The following KMT2C variants were observed in gnomAD, a reference collection of about 807,000 sequenced individuals.
KMT2C encodes histone-lysine N-methyltransferase 2C.
A neutral mutation model predicts 507.9 loss-of-function variants in KMT2C; 88 were observed. The ratio of observed to expected loss-of-function variants is 0.17; its 90% CI spans 0.15 to 0.21. KMT2C has a LOEUF of 0.21. Among genes scored for constraint, KMT2C ranks in the 10% least tolerant of loss-of-function variants. The probability of loss-of-function intolerance (pLI) is 1.00; values close to 1 mark genes in which losing one functional copy is unlikely to be tolerated. For synonymous variants in KMT2C, 2,049 were observed against 2,080.8 expected (o/e 0.98, Z 0.42); for missense variants, 4,954 against 5,957.8 (o/e 0.83, Z 5.55).
At chr7:152,207,155 T>C in intron 24 of KMT2C, 145 bp downstream of exon 24, 1 of 751,812 alleles carries the variant, frequency 1.3e-6, no homozygotes, top group Non-Finnish European at 2.0e-6. Flanking sequence ...TCAAATAGTT[T>C]AGTTCTTTAA....
chr7:152,393,846 G>A (rs557545333), intron 1 of KMT2C, among the ~76,000 whole-genome samples: 375 of 141,976 alleles, frequency 2.6e-3, no homozygotes, highest in Non-Finnish European at 3.9e-3. Context: ...GCAGTGAGCC[G>A]AGATCGTGCC....
rs1299042781 is a variant in KMT2C at position 152,177,132 on chromosome 7, T to C, written c.8321A>G (p.Asn2774Ser). The C allele has an allele frequency of 6.8e-6, 11 of 1,613,608 alleles. No homozygotes were observed. The South Asian group carries it at 1.2e-4, about 18-fold the overall frequency. The stretch of plus-strand genomic sequence containing the variant: ...ATCAATTGGAAGGTCTAGTTCCTCA[T>C]TAAACATGCTTTTCTTATCTCCCAT... ...LDMGDKKSMF[N>S]EELDLPIDDK... Residue 2774 changes from asparagine to serine, a missense_variant, in exon 38 of 59, where the codon AAT (asparagine) becomes AGT (serine). Asn to Ser is a conservative substitution (Grantham distance 46). Coordinates refer to ENST00000262189, the MANE Select transcript of KMT2C (RefSeq NM_170606.3).
In KMT2C at chr7:152,339,738, C is replaced by G. The variant is rs781603090; in HGVS notation, c.251-8999G>C. Among the ~76,000 whole-genome samples the G allele has an allele frequency of 2.8e-4, 43 of 152,078 alleles. 1 individual carries two copies. Among genetic ancestry groups the G allele is most frequent in the Non-Finnish European group, 7.3e-5 (5 of 68,028 alleles). On this transcript the variant is annotated intron_variant, in intron 2 of 58. Coordinates refer to ENST00000262189, the MANE Select transcript of KMT2C (RefSeq NM_170606.3). The stretch of plus-strand genomic sequence containing the variant: ...TGACTATATGCTCTATGAAAACAGG[C>G]ACTGTATCTGTTTTTATAAACCAGA...
chr7:152,396,690 G>A (rs2097540082), intron 1 of KMT2C, among the ~76,000 whole-genome samples: 1 of 152,128 alleles, frequency 6.6e-6, no homozygotes, highest in African/African-American at 2.4e-5. Context: ...AATGCTATTA[G>A]AACTCCCACT....
At position 152,198,543 on chromosome 7, in the gene KMT2C, T is replaced by C. The variant is rs535401489; in HGVS notation, c.4273+736A>G. ...CATAGGGGAGAAGTGGGAGAAACAC[T>C]GATCAAGACACTTACCTACCCAATG... On this transcript the variant is annotated intron_variant, in intron 27 of 58. Transcript: ENST00000262189. Among the ~76,000 whole-genome samples the C allele has an allele frequency of 9.2e-5, 14 of 152,294 alleles. No individual in the cohort carries two copies. The South Asian group carries it at 2.5e-3, about 27-fold the overall frequency.
In KMT2C at chr7:152,313,536, T is replaced by C. The variant is rs188693447; in HGVS notation, c.591-1590A>G. Among the ~76,000 whole-genome samples the C allele has an allele frequency of 1.2e-4, 19 of 152,234 alleles. No homozygotes were observed. In the East Asian group the frequency reaches 3.7e-3, roughly 29 times the overall value. ...AAATGCATACCCACAAAATTCTTAG[T>C]TATAAAACAAAAAAAGGAAAAAAAT... On this transcript the variant is annotated intron_variant, in intron 4 of 58. Coordinates refer to ENST00000262189, the MANE Select transcript of KMT2C (RefSeq NM_170606.3).
chr7:152,215,202 T>C (rs1356719797), intron 23 of KMT2C, among the ~76,000 whole-genome samples: 1 of 152,000 alleles, frequency 6.6e-6, no homozygotes, highest in African/African-American at 2.4e-5. Flanking sequence ...GGTGATTCAT[T>C]GTACTATTCA....
intron 1 of KMT2C, among the ~76,000 whole-genome samples, chr7:152,393,116 T>C (rs1288104083): frequency 2.0e-5 from 3 of 152,040 alleles, no homozygotes; most frequent in Admixed American, 1.3e-4. Context: ...GTTTTGTTTT[T>C]TTCCACCACC....
chr7:152,195,007 G>C (rs937319601), intron 28 of KMT2C, among the ~76,000 whole-genome samples: 1 of 152,068 alleles, frequency 6.6e-6, no homozygotes, highest in African/African-American at 2.4e-5. Flanking sequence ...GCCCTAAAAT[G>C]CTCAGTGTTT....
chr7:152,208,989 G>C (rs572343571), intron 23 of KMT2C, among the ~76,000 whole-genome samples: 3 of 151,584 alleles, frequency 2.0e-5, no homozygotes, highest in African/African-American at 7.3e-5. Flanking sequence ...AACATGGTGA[G>C]TCTCTACTAA....
chr7:152,428,946 A>C (rs549078564), intron 1 of KMT2C, among the ~76,000 whole-genome samples: 2 of 152,308 alleles, frequency 1.3e-5, no homozygotes, highest in African/African-American at 4.8e-5. Context: ...CTGGCATTCA[A>C]GAACTATCAC....
intron 55 of KMT2C, among the ~76,000 whole-genome samples, chr7:152,140,587 A>G (rs2090425367): frequency 6.6e-6 from 1 of 152,224 alleles, no homozygotes; most frequent in Non-Finnish European, 1.5e-5. Context: ...CTAGAAGGCA[A>G]CTGAATGCAA....
intron 9 of KMT2C, among the ~76,000 whole-genome samples, chr7:152,255,817 TACTC>T (rs1288896378): frequency 6.6e-6 from 1 of 152,160 alleles, no homozygotes; most frequent in Non-Finnish European, 1.5e-5. Context: ...TGGAAAAAGA[TACTC>T]ACATCATACA....
intron 44 of KMT2C, among the ~76,000 whole-genome samples, chr7:152,157,233 C>A (rs180979214): frequency 1.1e-4 from 16 of 149,804 alleles, no homozygotes; most frequent in African/African-American, 3.4e-4. Context: ...TAGGTTGAGG[C>A]ACTAGAATTG....
At position 152,139,711 on chromosome 7, in the gene KMT2C, T is replaced by G; in HGVS notation, c.14424A>C (p.Glu4808Asp). Residue 4808 changes from glutamate (E) to aspartate (D), a missense_variant, in exon 56 of 59, where the codon GAA becomes GAC. By Grantham distance (45) the Glu-to-Asp change is conservative. This residue lies in a region of KMT2C where 133 missense variants were observed against 258.9 expected (regional missense o/e 0.51). Coordinates refer to ENST00000262189, the MANE Select transcript of KMT2C (RefSeq NM_170606.3). Reference protein sequence around the residue: ...IEYIGTIIRNEVANRKEKLYE... With the variant: ...IEYIGTIIRNDVANRKEKLYE... ...AAAGCTTCTCTTTCCTGTTGGCTACTTCGTTTCGAATGATAGTCCCGATGT... is the reference window on the plus strand; with the variant it reads ...AAAGCTTCTCTTTCCTGTTGGCTACGTCGTTTCGAATGATAGTCCCGATGT... 1 of 1,614,074 alleles carries G rather than the reference T, an allele frequency of 6.2e-7. No individual in the cohort carries two copies. Among genetic ancestry groups the G allele is most frequent in the Non-Finnish European group, 8.5e-7 (1 of 1,179,938 alleles).
At chr7:152,377,954 A>G (rs1400161137) in intron 1 of KMT2C, among the ~76,000 whole-genome samples, 1 of 152,236 alleles carries the variant, frequency 6.6e-6, no homozygotes, top group Non-Finnish European at 1.5e-5. Context: ...AAGTCATTGC[A>G]GATGTAGTGG....
intron 1 of KMT2C, among the ~76,000 whole-genome samples, chr7:152,388,128 TAAA>T (rs201474078): frequency 2.1e-5 from 2 of 97,172 alleles, no homozygotes; most frequent in East Asian, 3.9e-4. Context: ...AAAAATAAAA[TAAA>T]AAAATTGTAA....
At chr7:152,204,375 G>A (rs1216204306) in intron 25 of KMT2C, among the ~76,000 whole-genome samples, 2 of 152,216 alleles carry the variant, frequency 1.3e-5, no homozygotes, top group Non-Finnish European at 1.5e-5. Context: ...CAGGAGGATC[G>A]CTTGAGCACA....
At chr7:152,412,835 ACTT>A (rs2097697251) in intron 1 of KMT2C, among the ~76,000 whole-genome samples, 1 of 152,372 alleles carries the variant, frequency 6.6e-6, no homozygotes, top group South Asian at 2.1e-4. Flanking sequence ...TCAAGAAATT[ACTT>A]TTTTCAGATC....
Sources: gnomAD v4.1 joint callset for allele counts (sites outside exome capture counted in the v4.1 genomes callset) on GRCh38, gnomAD v4.1.1 for gene constraint, gnomAD v4.1.1 regional missense constraint, MANE v1.5 for transcripts, NCBI Gene and HGNC (gene_info 2026-07-23, HGNC 2026-07-21) for gene names.